Variants in PARD3B observed in about 807,000 individuals in gnomAD.
PARD3B encodes the protein par-3 family cell polarity regulator beta.
In PARD3B, 103 loss-of-function variants were observed where a neutral mutation model predicts 130.2. The ratio of observed to expected loss-of-function variants is 0.79; its 90% CI spans 0.67 to 0.93. The LOEUF is 0.93. Ranked by LOEUF, PARD3B falls within the 40% of genes least tolerant of loss-of-function variation. PARD3B has a pLI of 0.00. For synonymous variants in PARD3B, 583 were observed against 553.2 expected (o/e 1.05, Z -0.76); for missense variants, 1,609 against 1,499.2 (o/e 1.07, Z -1.21).
chr2:204,932,462 T>C lies in PARD3B; in HGVS notation c.223-32690T>C, dbSNP rs188336034. Reference sequence around the variant, plus strand: ...GTATTTTGCATATGACCAAGTTGCATTTCTCCCTAAAGTAGGTGAAATCTA... The same window carrying C: ...GTATTTTGCATATGACCAAGTTGCACTTCTCCCTAAAGTAGGTGAAATCTA... On this transcript the variant is annotated intron_variant, in intron 2 of 22. Coordinates refer to ENST00000406610, the MANE Select transcript of PARD3B (RefSeq NM_001302769.2). Among the ~76,000 whole-genome samples the C allele has an allele frequency of 5.8e-4, 88 of 152,292 alleles. 1 individual carries two copies. Among genetic ancestry groups the C allele is most frequent in the Admixed American group, 3.5e-3 (53 of 15,288 alleles).
At chr2:205,373,158 T>C (rs969737847) in intron 18 of PARD3B, among the ~76,000 whole-genome samples, 3 of 152,308 alleles carry the variant, frequency 2.0e-5, no homozygotes, top group Middle Eastern at 3.4e-3. Flanking sequence ...TGCTGAGATA[T>C]AGTCTAAGAT....
At chr2:205,542,984 T>C (rs1351002365) in intron 21 of PARD3B, among the ~76,000 whole-genome samples, 1 of 152,248 alleles carries the variant, frequency 6.6e-6, no homozygotes, top group Non-Finnish European at 1.5e-5. Context: ...ATGTTTTCTC[T>C]GATTTAACAG....
chr2:205,191,556 G>A (rs745955980), intron 14 of PARD3B, among the ~76,000 whole-genome samples: 4 of 152,186 alleles, frequency 2.6e-5, no homozygotes, highest in Non-Finnish European at 4.4e-5. Flanking sequence ...GTTTTGGGAA[G>A]CAAAAGTAGG....
chr2:205,057,044 A>G (rs1047979811), intron 4 of PARD3B, among the ~76,000 whole-genome samples: 1 of 151,630 alleles, frequency 6.6e-6, no homozygotes, highest in Admixed American at 6.6e-5. Context: ...AAATGTCTTG[A>G]GTCAAAATTT....
At chr2:205,403,309 C>T (rs1487469526) in intron 19 of PARD3B, among the ~76,000 whole-genome samples, 1 of 152,068 alleles carries the variant, frequency 6.6e-6, no homozygotes, top group African/African-American at 2.4e-5. Flanking sequence ...AGTACTGGAG[C>T]CAGCTTGTAC....
intron 1 of PARD3B, among the ~76,000 whole-genome samples, chr2:204,585,406 C>G (rs1396843779): frequency 1.3e-5 from 2 of 152,084 alleles, no homozygotes; most frequent in African/African-American, 4.8e-5. Context: ...AATCATAGCT[C>G]ACTGTAACCT....
intron 18 of PARD3B, among the ~76,000 whole-genome samples, chr2:205,395,256 T>A (rs849232): frequency 2.6e-5 from 4 of 152,046 alleles, no homozygotes; most frequent in Admixed American, 6.6e-5. Context: ...CCTACATGGC[T>A]TCTGTTCACA....
intron 2 of PARD3B, among the ~76,000 whole-genome samples, chr2:204,938,178 A>C (rs371477242): frequency 2.0e-5 from 3 of 152,200 alleles, no homozygotes; most frequent in African/African-American, 7.2e-5. Context: ...AAGGGGGAAA[A>C]AAGTCATTGT....
chr2:205,206,165 C>T (rs2037286327), intron 15 of PARD3B, among the ~76,000 whole-genome samples: 1 of 149,436 alleles, frequency 6.7e-6, no homozygotes, highest in South Asian at 2.1e-4. Flanking sequence ...GCTTTTGTTT[C>T]CTAAACCATT....
At position 205,187,690 on chromosome 2, in the gene PARD3B, G is replaced by A. The variant is rs971295950; in HGVS notation, c.2024+1827G>A. On this transcript the variant is annotated intron_variant, in intron 14 of 22. Transcript: ENST00000406610. The surrounding 1 kb of genome is among the most constrained non-coding windows in gnomAD (Gnocchi z 4.9). ...CCCTTTTCTGCAAAGCCATTCCTTT[G>A]TGAATTGGGGAGAGAAAAAAGTTTA... 2.0e-5 allele frequency among the ~76,000 whole-genome samples: 3 copies of A among 152,180 alleles called. No individual in the cohort carries two copies. The highest frequency in any genetic ancestry group is 7.2e-5 in the African/African-American group (3 of 41,442).
intron 1 of PARD3B, among the ~76,000 whole-genome samples, chr2:204,586,362 C>T (rs756101346): frequency 6.6e-6 from 1 of 152,156 alleles, no homozygotes; most frequent in African/African-American, 2.4e-5. Flanking sequence ...AATCTGAAGA[C>T]CTATGTCTAT....
chr2:205,206,665 C>T (rs919563344), intron 15 of PARD3B, among the ~76,000 whole-genome samples: 33 of 151,594 alleles, frequency 2.2e-4, no homozygotes, highest in African/African-American at 5.6e-4. Flanking sequence ...TGAATAATGC[C>T]GCAATAAACA....
intron 3 of PARD3B, among the ~76,000 whole-genome samples, chr2:204,996,458 G>T (rs1246664116): frequency 6.6e-6 from 1 of 152,202 alleles, no homozygotes; most frequent in African/African-American, 2.4e-5. Context: ...CCAGCTGCGT[G>T]CTGGGAGAAC....
At chr2:205,400,277 C>G (rs1350421253) in intron 18 of PARD3B, among the ~76,000 whole-genome samples, 1 of 151,946 alleles carries the variant, frequency 6.6e-6, no homozygotes, top group East Asian at 1.9e-4. Context: ...TTAGGCTGCC[C>G]CTTCTCCCCT....
At chr2:205,441,837 C>G (rs550037572) in intron 20 of PARD3B, among the ~76,000 whole-genome samples, 1 of 152,240 alleles carries the variant, frequency 6.6e-6, no homozygotes, top group South Asian at 2.1e-4. Context: ...TCCTTACTGT[C>G]AGGCATCCAG....
chr2:205,036,272 TAA>T (rs1160012614), intron 3 of PARD3B, among the ~76,000 whole-genome samples: 1 of 99,740 alleles, frequency 1.0e-5, no homozygotes, highest in African/African-American at 3.0e-5. Flanking sequence ...GCTATATATA[TAA>T]ATATATGTAT....
At position 205,276,228 on chromosome 2, in the gene PARD3B, A is replaced by G. The variant is rs748948459; in HGVS notation, c.2186-24302A>G. 2.0e-5 allele frequency among the ~76,000 whole-genome samples: 3 copies of G among 152,214 alleles called. No individual in the cohort carries two copies. The highest frequency in any genetic ancestry group is 2.9e-5 in the Non-Finnish European group (2 of 68,032). On this transcript the variant is annotated intron_variant, in intron 16 of 22. Transcript: ENST00000406610. This position sits in a 1 kb window ranked among gnomAD's most constrained non-coding sequence, Gnocchi z 5.0. ...AATGTGGATGGGAAGAGCATTTAGC[A>G]GTCTCATCCCTCTGCCATTCCTTCC... is the stretch of plus-strand genomic sequence containing the variant.
chr2:204,633,071 A>T (rs1402853148), intron 1 of PARD3B, among the ~76,000 whole-genome samples: 1 of 152,178 alleles, frequency 6.6e-6, no homozygotes, highest in Admixed American at 6.6e-5. Flanking sequence ...CAAAATACTC[A>T]TGTCATTTTC....
intron 21 of PARD3B, among the ~76,000 whole-genome samples, chr2:205,546,094 C>T (rs546525221): frequency 6.6e-6 from 1 of 152,296 alleles, no homozygotes; most frequent in East Asian, 1.9e-4. Flanking sequence ...GGAGAACTCC[C>T]ATGGACTAAA....
Sources: allele counts gnomAD v4.1 joint callset (sites outside exome capture counted in the v4.1 genomes callset), GRCh38; gene constraint gnomAD v4.1.1; non-coding constraint Gnocchi (gnomAD v3.1); transcripts MANE v1.5; gene names NCBI Gene and HGNC (gene_info 2026-07-23, HGNC 2026-07-21).